RASEF: variants seen among roughly 807,000 people sequenced by gnomAD.
The protein encoded by RASEF is ras and EF-hand domain-containing protein.
In RASEF, 68 loss-of-function variants were observed where a neutral mutation model predicts 90.1. The ratio of observed to expected loss-of-function variants is 0.75; its 90% CI spans 0.62 to 0.92. The LOEUF (loss-of-function observed/expected upper bound fraction) is 0.92, where lower values mean the gene tolerates loss of function less well. Ranked by LOEUF, RASEF falls within the 40% of genes least tolerant of loss-of-function variation. The probability of loss-of-function intolerance (pLI) is 0.00; values close to 1 mark genes in which losing one functional copy is unlikely to be tolerated. For synonymous variants in RASEF, 331 were observed against 345.2 expected, an observed-to-expected ratio of 0.96 and a Z score of 0.46; for missense variants, 949 against 937.2, an observed-to-expected ratio of 1.01 and a Z score of -0.16.
chr9:83,075,153 CATG>C, the RASEF span, among the ~76,000 whole-genome samples: 3 of 152,116 alleles, frequency 2.0e-5, no homozygotes, highest in Non-Finnish European at 4.4e-5. Context: ...CAGAAAGAAT[CATG>C]ATGTTTATTT....
chr9:83,156,029 T>G, the RASEF span, among the ~76,000 whole-genome samples: 3 of 152,182 alleles, frequency 2.0e-5, no homozygotes, highest in African/African-American at 7.2e-5. Context: ...GAATAATATC[T>G]CTTTTGAAGA....
intron 1 of RASEF, among the ~76,000 whole-genome samples, chr9:83,031,916 T>C (rs1829654537): frequency 6.6e-6 from 1 of 152,144 alleles, no homozygotes; most frequent in African/African-American, 2.4e-5. Flanking sequence ...GTGGAAATGA[T>C]GCACCTTCTG....
chr9:83,087,427 C>CTCTCTG, the RASEF span, among the ~76,000 whole-genome samples: 2 of 151,472 alleles, frequency 1.3e-5, no homozygotes, highest in South Asian at 4.2e-4. Context: ...CTCTCTCTCT[C>CTCTCTG]TCTCTCTCTC....
At chr9:83,009,523 G>A in intron 6 of RASEF, 118 bp downstream of exon 6, 2 of 520,990 alleles carry the variant, frequency 3.8e-6, no homozygotes, top group South Asian at 7.2e-5. Flanking sequence ...TCATTAGAAA[G>A]TAAAGAAGAT....
chr9:83,058,172 CTTTTTTTTTT>C (rs555842009), intron 1 of RASEF, among the ~76,000 whole-genome samples: 973 of 57,860 alleles, frequency 0.017, 24 homozygotes, highest in East Asian at 0.13. Flanking sequence ...GTATTTATGT[CTTTTTTTTTT>C]TTTTTTTTTT....
At chr9:83,139,350 A>T in the RASEF span, among the ~76,000 whole-genome samples, 11 of 152,152 alleles carry the variant, frequency 7.2e-5, no homozygotes, top group Non-Finnish European at 4.4e-5. Context: ...CATAGTCACA[A>T]ATCCACATAT....
intron 3 of RASEF, among the ~76,000 whole-genome samples, chr9:83,020,736 C>T (rs1195179586): frequency 6.6e-6 from 1 of 152,128 alleles, no homozygotes; most frequent in Non-Finnish European, 1.5e-5. Flanking sequence ...GGTAATATCC[C>T]CATTACCAGC....
At chr9:83,014,436 G>A (rs1017033408) in intron 4 of RASEF, among the ~76,000 whole-genome samples, 11 of 151,948 alleles carry the variant, frequency 7.2e-5, no homozygotes, top group African/African-American at 2.7e-4. Flanking sequence ...GAGTCACTGG[G>A]ACTACAGGCA....
the RASEF span, among the ~76,000 whole-genome samples, chr9:83,170,760 C>G: frequency 6.6e-6 from 1 of 151,816 alleles, no homozygotes; most frequent in African/African-American, 2.4e-5. Flanking sequence ...GATATCTGTA[C>G]GTTAATTTTG....
chr9:83,056,150 C>T (rs1472366407), intron 1 of RASEF, among the ~76,000 whole-genome samples: 1 of 152,210 alleles, frequency 6.6e-6, no homozygotes, highest in Non-Finnish European at 1.5e-5. Context: ...AAAATTCACT[C>T]TTCTTATAAT....
chr9:83,086,297 A>C, the RASEF span, among the ~76,000 whole-genome samples: 1 of 152,304 alleles, frequency 6.6e-6, no homozygotes, highest in African/African-American at 2.4e-5. Context: ...TAAGGAAGCA[A>C]CTCAGAGCTC....
chr9:83,087,408 T>TCTCTCTCTCTCTCC, the RASEF span, among the ~76,000 whole-genome samples: 1 of 140,840 alleles, frequency 7.1e-6, no homozygotes, highest in Admixed American at 7.1e-5. Context: ...TCATTCATTC[T>TCTCTCTCTCTCTCC]CTCTCTCTCT....
At chr9:83,211,063 C>T in the RASEF span, among the ~76,000 whole-genome samples, 2 of 152,216 alleles carry the variant, frequency 1.3e-5, no homozygotes, top group Non-Finnish European at 1.5e-5. Context: ...TATCCTCATA[C>T]TCCATTCAAT....
At chr9:83,059,120 A>G (rs146213056) in intron 1 of RASEF, among the ~76,000 whole-genome samples, 1 of 151,252 alleles carries the variant, frequency 6.6e-6, no homozygotes, top group East Asian at 1.9e-4. Flanking sequence ...GGGGTTTTCT[A>G]AGTTAATTTA....
the RASEF span, among the ~76,000 whole-genome samples, chr9:83,091,713 T>C: frequency 6.6e-6 from 1 of 152,102 alleles, no homozygotes; most frequent in Non-Finnish European, 1.5e-5. Flanking sequence ...CAACAAACAA[T>C]CCCTGGGAAG....
the RASEF span, among the ~76,000 whole-genome samples, chr9:83,215,768 C>G: frequency 3.3e-5 from 5 of 152,114 alleles, no homozygotes; most frequent in African/African-American, 1.2e-4. Context: ...GTTTGAGGAG[C>G]TCAGAAGAAG....
the RASEF span, among the ~76,000 whole-genome samples, chr9:83,084,931 T>C: frequency 2.0e-5 from 3 of 152,242 alleles, no homozygotes; most frequent in South Asian, 2.1e-4. Flanking sequence ...ATTATATATT[T>C]AAAATATGCT....
At position 82,997,084 on chromosome 9, in the gene RASEF, A is replaced by G; in HGVS notation, c.1848T>C (p.Gly616=). 1 of 1,613,598 alleles carries G rather than the reference A, an allele frequency of 6.2e-7. No homozygotes were observed. The change falls in exon 14 of 17, where the codon GGT becomes GGC. Residue 616 remains glycine (G), a synonymous_variant. Transcript: ENST00000376447. Reference sequence around the variant, plus strand: ...ATGTAACATCATACAGCAGCAAAACACCATCTGCCTTTCTGAAGTAAGACT... The same window carrying G: ...ATGTAACATCATACAGCAGCAAAACGCCATCTGCCTTTCTGAAGTAAGACT... The part of the protein sequence containing the change: ...IAKSYFRKAD[G]VLLLYDVTCE...
chr9:83,038,690 T>G (rs559708197), intron 1 of RASEF, among the ~76,000 whole-genome samples: 2 of 152,180 alleles, frequency 1.3e-5, no homozygotes, highest in Non-Finnish European at 2.9e-5. Context: ...AATAACTTTA[T>G]TTTTAAAATT....
Sources: gnomAD v4.1 joint callset for allele counts (sites outside exome capture counted in the v4.1 genomes callset) on GRCh38, gnomAD v4.1.1 for gene constraint, MANE v1.5 for transcripts, NCBI Gene and HGNC (gene_info 2026-07-23, HGNC 2026-07-21) for gene names.